ITGA1: variants seen among roughly 807,000 people sequenced by gnomAD.
The protein encoded by ITGA1 is integrin subunit alpha 1.
ITGA1 carries 85 observed loss-of-function variants against 145.9 expected under a neutral mutation model. That is an observed-to-expected ratio of 0.58 (90% CI 0.49 to 0.70). The LOEUF (loss-of-function observed/expected upper bound fraction) is 0.70. Among genes scored for constraint, ITGA1 ranks in the 30% least tolerant of loss-of-function variants. The probability of loss-of-function intolerance (pLI) is 0.00; values close to 1 mark genes in which losing one functional copy is unlikely to be tolerated. For missense variants in ITGA1, 1,351 were observed against 1,418.7 expected (o/e 0.95, Z 0.77); for synonymous variants, 520 against 495.3 (o/e 1.05, Z -0.66).
intron 27 of ITGA1, among the ~76,000 whole-genome samples, chr5:52,945,726 C>T (rs903534484): frequency 1.3e-5 from 2 of 152,216 alleles, no homozygotes; most frequent in African/African-American, 4.8e-5. Context: ...ATGTGGATAA[C>T]AGCACCATGT....
At chr5:52,895,650 G>GAGAT (rs34347537) in intron 9 of ITGA1, among the ~76,000 whole-genome samples, 2 of 152,084 alleles carry the variant, frequency 1.3e-5, no homozygotes, top group African/African-American at 4.8e-5. Context: ...AGGGGAGGGG[G>GAGAT]AGATCAATTG....
At position 52,865,029 on chromosome 5, in the gene ITGA1, G is replaced by A. The variant is rs200986699; in HGVS notation, c.443G>A (p.Cys148Tyr). ...CGHLHYTTGI[C>Y]SDVSPTFQVV... is the part of the protein sequence containing the mutation. ...CATTTGCATTACACAACTGGAATCT[G>A]TTCTGACGTCAGCCCCACATTTCAA... Residue 148 changes from cysteine to tyrosine, a missense_variant, in exon 5 of 29, where the codon TGT becomes TAT. Cys to Tyr is a radical substitution (Grantham distance 194, BLOSUM62 -2). Coordinates refer to ENST00000282588, the MANE Select transcript of ITGA1 (RefSeq NM_181501.2). The A allele has an allele frequency of 5.0e-6, 8 of 1,613,742 alleles. No homozygotes were observed. The highest frequency in any genetic ancestry group is 6.8e-6 in the Non-Finnish European group (8 of 1,179,872).
At chr5:52,945,115 T>C (rs1424070532) in intron 27 of ITGA1, 80 bp downstream of exon 27, 1 of 1,087,378 alleles carries the variant, frequency 9.2e-7, no homozygotes, top group African/African-American at 1.6e-5. Flanking sequence ...TTGTTGATAG[T>C]CCCTTAAGCA....
intron 1 of ITGA1, among the ~76,000 whole-genome samples, chr5:52,829,677 A>G (rs1277705667): frequency 6.6e-6 from 1 of 152,082 alleles, no homozygotes; most frequent in Non-Finnish European, 1.5e-5. Flanking sequence ...TCATTTATGT[A>G]GAGAATATCT....
intron 20 of ITGA1, 42 bp downstream of exon 20, chr5:52,927,706 AAAGT>A (rs751018259): frequency 2.9e-5 from 37 of 1,267,866 alleles, no homozygotes; most frequent in Non-Finnish European, 3.9e-5. Context: ...TTGAATATGA[AAAGT>A]AATATGTGCA....
rs1052057711 is a variant in ITGA1, at chr5:52,956,269, T to C, written c.*3818T>C. The C allele has an allele frequency of 3.3e-5, 5 of 152,208 alleles. No homozygotes were observed. Among genetic ancestry groups the C allele is most frequent in the African/African-American group, 1.2e-4 (5 of 41,450 alleles). 9.4% of individuals were successfully genotyped at this position (152,208 alleles called of 1,614,324 possible). The stretch of plus-strand genomic sequence containing the variant: ...CCATGGGAACTGACTGTCCTGCTTT[T>C]CACAACATTGAGAAACAGGCCCAGA... On this transcript the variant is annotated 3_prime_UTR_variant, in exon 29 of 29. Coordinates refer to ENST00000282588, the MANE Select transcript of ITGA1 (RefSeq NM_181501.2).
At chr5:52,820,103 G>T (rs1054891702) in intron 1 of ITGA1, among the ~76,000 whole-genome samples, 19 of 151,714 alleles carry the variant, frequency 1.3e-4, no homozygotes, top group Non-Finnish European at 2.5e-4. Flanking sequence ...TTGTTCTTTT[G>T]GCTTAGGATT....
At position 52,925,617 on chromosome 5, in the gene ITGA1, T is replaced by C. The variant is rs898181726; in HGVS notation, c.2613+130T>C. The C allele has an allele frequency of 1.1e-5, 7 of 664,452 alleles. No homozygotes were observed. In the Admixed American group the frequency reaches 2.1e-4, roughly 20 times the overall value. 41.2% of individuals were successfully genotyped at this position (664,452 alleles called of 1,614,324 possible). On this transcript the variant is annotated intron_variant, in intron 19 of 28. Transcript: ENST00000282588. ...TAGAAGGAATTTTTTACATTAGTCC[T>C]CACCAATGGTGAAAGTATTAAGCTT... is the stretch of plus-strand genomic sequence containing the variant.
intron 14 of ITGA1, among the ~76,000 whole-genome samples, chr5:52,913,702 G>T (rs1750601892): frequency 1.3e-5 from 2 of 152,136 alleles, no homozygotes; most frequent in Admixed American, 6.5e-5. Context: ...AATTTGAAAA[G>T]AAATTAGAAT....
At chr5:52,864,888 T>C (rs766841944) in intron 4 of ITGA1, 37 bp downstream of exon 4, 1 of 1,542,136 alleles carries the variant, frequency 6.5e-7, no homozygotes, top group South Asian at 1.1e-5. Flanking sequence ...TGACAACAGA[T>C]ATGCTATCAT....
Position 52,955,956 on chromosome 5 carries a change from T to C in ITGA1, c.*3505T>C, listed in dbSNP as rs997239782. 2 of 137,474 alleles carry C rather than the reference T, an allele frequency of 1.5e-5. No homozygotes were observed. Among genetic ancestry groups the C allele is most frequent in the African/African-American group, 5.1e-5 (2 of 38,934 alleles). The allele number at this position is 137,474 out of a possible 1,614,324, so 8.5% of individuals were successfully genotyped here. ...GTATATACATATATATATATATATA[T>C]ATACACATACACTCACATGCAGATA... On this transcript the variant is annotated 3_prime_UTR_variant, in exon 29 of 29. Coordinates refer to ENST00000282588, the MANE Select transcript of ITGA1 (RefSeq NM_181501.2).
chr5:52,874,684 G>A (rs975043360), intron 6 of ITGA1, among the ~76,000 whole-genome samples: 1 of 152,078 alleles, frequency 6.6e-6, no homozygotes, highest in African/African-American at 2.4e-5. Flanking sequence ...TATTTATAAA[G>A]TGTCTGGACG....
intron 18 of ITGA1, among the ~76,000 whole-genome samples, chr5:52,923,383 TATA>T (rs1471942909): frequency 6.6e-6 from 1 of 152,074 alleles, no homozygotes; most frequent in Non-Finnish European, 1.5e-5. Flanking sequence ...CCAGGCCGTC[TATA>T]GTTGTTTTTC....
At chr5:52,858,226 C>G (rs1749546585) in intron 2 of ITGA1, among the ~76,000 whole-genome samples, 1 of 152,162 alleles carries the variant, frequency 6.6e-6, no homozygotes, top group Non-Finnish European at 1.5e-5. Flanking sequence ...CATTGGTTCC[C>G]AACTTCCCCC....
intron 6 of ITGA1, among the ~76,000 whole-genome samples, chr5:52,870,979 C>G (rs1226784333): frequency 6.6e-6 from 1 of 152,196 alleles, no homozygotes; most frequent in African/African-American, 2.4e-5. Flanking sequence ...AATAATTTCT[C>G]TATCCTTATT....
chr5:52,949,964 GTC>G (rs1751193949), intron 28 of ITGA1, among the ~76,000 whole-genome samples: 1 of 152,192 alleles, frequency 6.6e-6, no homozygotes, highest in South Asian at 2.1e-4. Flanking sequence ...CCAAGTCTGA[GTC>G]TCTGTGTAAG....
intron 1 of ITGA1, among the ~76,000 whole-genome samples, chr5:52,816,071 T>A: frequency 6.6e-6 from 1 of 152,192 alleles, no homozygotes; most frequent in Admixed American, 6.5e-5. Context: ...GGTGACTTAC[T>A]GAAGTTTCCT....
In ITGA1 at chr5:52,953,852, C is replaced by T. The variant is rs1025306556; in HGVS notation, c.*1401C>T. ...CATTTCTCCATCTGATTTACCAGAA[C>T]CTGTAACAAGACCAGAACATGTATT... On this transcript the variant is annotated 3_prime_UTR_variant, in exon 29 of 29. Transcript: ENST00000282588. 1.3e-5 allele frequency: 2 copies of T among 152,182 alleles called. No individual in the cohort carries two copies. Among genetic ancestry groups the T allele is most frequent in the Non-Finnish European group, 2.9e-5 (2 of 68,026 alleles). The allele number at this position is 152,182 out of a possible 1,614,324, so 9.4% of individuals were successfully genotyped here.
At chr5:52,867,647 C>A (rs1351978898) in intron 6 of ITGA1, among the ~76,000 whole-genome samples, 1 of 151,892 alleles carries the variant, frequency 6.6e-6, no homozygotes. Context: ...TCCTCGCTTC[C>A]CCTATCCCTT....
Sources: gnomAD v4.1 joint callset for allele counts (sites outside exome capture counted in the v4.1 genomes callset) on GRCh38, gnomAD v4.1.1 for gene constraint, MANE v1.5 for transcripts, NCBI Gene and HGNC (gene_info 2026-07-23, HGNC 2026-07-21) for gene names.